Variants in ABCA4 observed in about 807,000 individuals in gnomAD.
The protein encoded by ABCA4 is retinal-specific phospholipid-transporting ATPase ABCA4.
Under a neutral mutation model 263.7 loss-of-function variants are expected in ABCA4, and 196 were observed. The observed-to-expected ratio is 0.74, with a 90% CI of 0.66 to 0.84. The LOEUF is 0.84. ABCA4 is among the 40% of genes least tolerant of loss of function. The pLI is 0.00. For synonymous variants in ABCA4, 1,133 were observed against 1,094.2 expected (o/e 1.04, Z -0.70); for missense variants, 2,792 against 2,855.1 (o/e 0.98, Z 0.50).
chr1:94,023,105 T>C (rs1462946958), intron 32 of ABCA4, among the ~76,000 whole-genome samples: 3 of 152,168 alleles, frequency 2.0e-5, no homozygotes, highest in African/African-American at 4.8e-5. Context: ...AACTGTTATA[T>C]ACTTGGAGGT....
chr1:94,014,473 G>T (rs1055634966), intron 38 of ABCA4, 70 bp downstream of exon 38: 2 of 1,560,076 alleles, frequency 1.3e-6, no homozygotes, highest in African/African-American at 2.7e-5. Flanking sequence ...CTTGCCCCTG[G>T]CTCTGCTCGA....
intron 11 of ABCA4, among the ~76,000 whole-genome samples, chr1:94,076,663 G>A (rs1164190878): frequency 6.6e-6 from 1 of 152,168 alleles, no homozygotes; most frequent in African/African-American, 2.4e-5. Flanking sequence ...TGTTATTTGG[G>A]GGTCGAGTCA....
At position 94,011,282 on chromosome 1, in the gene ABCA4, G is replaced by A. The variant is rs367565445; in HGVS notation, c.5564C>T (p.Thr1855Ile). The A allele has an allele frequency of 6.2e-7, 1 of 1,614,100 alleles. No individual in the cohort carries two copies. The highest frequency in any genetic ancestry group is 1.3e-5 in the African/African-American group (1 of 75,030). The change falls in exon 39 of 50, where the codon ACA (threonine) becomes ATA (isoleucine). Residue 1855 changes from threonine (T) to isoleucine (I), a missense_variant. Thr to Ile is a moderately conservative substitution (Grantham distance 89). Transcript: ENST00000370225. ...CCCACCAAACCGGGCATAGACATCT[G>A]TCACAGCCTGGCTCAGTGCAAGGTC... ...LIDLALSQAV[T>I]DVYARFGEEH...
intron 29 of ABCA4, among the ~76,000 whole-genome samples, 162 bp from the exon 30 acceptor site, chr1:94,029,793 A>G (rs1479024172): frequency 2.0e-5 from 3 of 152,136 alleles, no homozygotes; most frequent in Non-Finnish European, 4.4e-5. Context: ...TATCAAAACT[A>G]GGGTTTTGTG....
At chr1:93,998,722 AT>A (rs1261889327) in intron 47 of ABCA4, among the ~76,000 whole-genome samples, 1 of 106,052 alleles carries the variant, frequency 9.4e-6, no homozygotes, top group African/African-American at 6.9e-5. Context: ...TATTTATTTT[AT>A]TTTATTTTAT....
At chr1:94,008,448 T>C in intron 41 of ABCA4, 151 bp from the exon 42 acceptor site, 1 of 839,552 alleles carries the variant, frequency 1.2e-6, no homozygotes, top group Non-Finnish European at 2.0e-6. Flanking sequence ...GTGTGGTGAG[T>C]ACTGAGACAT....
chr1:94,044,976 G>T (rs899709464), intron 19 of ABCA4, among the ~76,000 whole-genome samples: 1 of 152,198 alleles, frequency 6.6e-6, no homozygotes, highest in African/African-American at 2.4e-5. Flanking sequence ...GTTTCATGGT[G>T]CTCCCAGGCC....
At chr1:94,111,626 A>G (rs199509035) in intron 2 of ABCA4, 47 bp from the exon 3 acceptor site, 23 of 1,611,402 alleles carry the variant, frequency 1.4e-5, no homozygotes, top group Non-Finnish European at 2.0e-5. Flanking sequence ...CATGGAGACC[A>G]AGCAGGATGC....
chr1:94,038,138 G>C (rs1403481547), intron 24 of ABCA4, among the ~76,000 whole-genome samples: 1 of 152,150 alleles, frequency 6.6e-6, no homozygotes, highest in African/African-American at 2.4e-5. Context: ...AATGCAGAGG[G>C]GGGGTTGAGA....
At chr1:94,051,776 G>A in intron 16 of ABCA4, 78 bp from the exon 17 acceptor site, 2 of 1,106,614 alleles carry the variant, frequency 1.8e-6, no homozygotes, top group Non-Finnish European at 2.7e-6. Context: ...ATAAGATCTA[G>A]AGTTTATTTA....
Position 94,049,667 on chromosome 1 carries a change from G to A in ABCA4, c.2654-710C>T, listed in dbSNP as rs368406474. Among the ~76,000 whole-genome samples the A allele has an allele frequency of 6.6e-5, 10 of 152,166 alleles. No homozygotes were observed. The East Asian group carries it at 1.4e-3, about 21-fold the overall frequency. On this transcript the variant is annotated intron_variant, in intron 17 of 49. Transcript: ENST00000370225. ...CAAAGTCTATTCAAAGTGCTATGAC[G>A]GGCAGCCAGCTTAAACTACAGCTTG...
At chr1:94,099,228 CAG>C (rs1165843826) in intron 5 of ABCA4, among the ~76,000 whole-genome samples, 11 of 152,160 alleles carry the variant, frequency 7.2e-5, no homozygotes, top group African/African-American at 2.7e-4. Context: ...GCAGAAGAAA[CAG>C]AGTCATGTGA....
chr1:94,097,906 C>T (rs1179381868), intron 6 of ABCA4, among the ~76,000 whole-genome samples: 2 of 152,210 alleles, frequency 1.3e-5, no homozygotes, highest in African/African-American at 4.8e-5. Flanking sequence ...CCCGCCACCA[C>T]ACCTGGCTAA....
intron 6 of ABCA4, among the ~76,000 whole-genome samples, chr1:94,086,331 G>A (rs554685945): frequency 1.3e-5 from 2 of 152,302 alleles, no homozygotes; most frequent in African/African-American, 4.8e-5. Context: ...TGTAAGACAA[G>A]TCTGCTTTTA....
intron 35 of ABCA4, 98 bp from the exon 36 acceptor site, chr1:94,019,857 GC>G: frequency 7.5e-7 from 1 of 1,340,894 alleles, no homozygotes; most frequent in Non-Finnish European, 1.0e-6. Flanking sequence ...CCTTACACCC[GC>G]CCAGGTGTGG....
At chr1:93,994,143 T>A (rs72956534) in intron 49 of ABCA4, among the ~76,000 whole-genome samples, 3 of 152,150 alleles carry the variant, frequency 2.0e-5, no homozygotes, top group African/African-American at 7.2e-5. Context: ...TAGAAATTGA[T>A]CTGAGTTGTT....
chr1:94,119,173 G>GT (rs201101287), intron 1 of ABCA4, among the ~76,000 whole-genome samples: 16 of 151,444 alleles, frequency 1.1e-4, no homozygotes, highest in Admixed American at 2.0e-4. Flanking sequence ...TAATCATGAG[G>GT]TTTTTTTTTC....
Position 94,056,839 on chromosome 1 carries a change from A to C in ABCA4, c.2161-17T>G, listed in dbSNP as rs961072032. 1 of 1,574,450 alleles carries C rather than the reference A, an allele frequency of 6.4e-7. No homozygotes were observed. Among genetic ancestry groups the C allele is most frequent in the Middle Eastern group, 1.7e-4 (1 of 5,956 alleles). On this transcript the variant is annotated splice_polypyrimidine_tract_variant and intron_variant, in intron 14 of 49. Coordinates refer to ENST00000370225, the MANE Select transcript of ABCA4 (RefSeq NM_000350.3). ...TCTTCCATGCTGAAACCAAGAGGCC[A>C]TGCGTCAGTAACTCCTGCCCTTGGC...
chr1:94,008,795 C>G lies in ABCA4; in HGVS notation c.5791G>C (p.Gly1931Arg). The change falls in exon 41 of 50, where the codon GGT becomes CGT. Residue 1931 changes from glycine to arginine, a missense_variant. Coordinates refer to ENST00000370225, the MANE Select transcript of ABCA4 (RefSeq NM_000350.3). ...VAEERQRIITGGNKTDILRLH... is the reference protein window; with the variant it reads ...VAEERQRIITRGNKTDILRLH... ...CTTAAGATGTCAGTTTTATTTCCACCAGTAATAATTCTTTGTCTTTCTTCA... is the reference window on the plus strand; with the variant it reads ...CTTAAGATGTCAGTTTTATTTCCACGAGTAATAATTCTTTGTCTTTCTTCA... 6.2e-7 allele frequency: 1 copy of G among 1,613,830 alleles called. No homozygotes were observed. Among genetic ancestry groups the G allele is most frequent in the Non-Finnish European group, 8.5e-7 (1 of 1,179,978 alleles).
Sources: allele counts gnomAD v4.1 joint callset (sites outside exome capture counted in the v4.1 genomes callset), GRCh38; gene constraint gnomAD v4.1.1; transcripts MANE v1.5; gene names NCBI Gene and HGNC (gene_info 2026-07-23, HGNC 2026-07-21).